STARD10: variants seen among roughly 807,000 people sequenced by gnomAD.
The protein encoded by STARD10 is StAR related lipid transfer domain containing 10, also known as START domain-containing protein 10.
In STARD10, 24 loss-of-function variants were observed where a neutral mutation model predicts 36.0. The observed-to-expected ratio is 0.67, with a 90% confidence interval of 0.48 to 0.94. The LOEUF (loss-of-function observed/expected upper bound fraction) is 0.94. Ranked by LOEUF, STARD10 falls within the 40% of genes least tolerant of loss-of-function variation. The pLI, the probability that STARD10 is intolerant of heterozygous loss-of-function variation, is 0.00. For missense variants in STARD10, 335 were observed against 396.6 expected (o/e 0.84, Z 1.32); for synonymous variants, 156 against 161.9 (o/e 0.96, Z 0.28).
At chr11:72,756,566 C>T (rs1028654628) in intron 5 of STARD10, among the ~76,000 whole-genome samples, 3 of 152,090 alleles carry the variant, frequency 2.0e-5, no homozygotes, top group South Asian at 2.1e-4. Flanking sequence ...GTGACACCCA[C>T]AGCACCCCTG....
At chr11:72,762,439 C>T (rs189548447) in intron 2 of STARD10, among the ~76,000 whole-genome samples, 17 of 152,188 alleles carry the variant, frequency 1.1e-4, no homozygotes, top group African/African-American at 3.6e-4. Context: ...CAAGGACAGA[C>T]TCGAGACTGC....
At position 72,783,463 on chromosome 11, in the gene STARD10, T is replaced by C. The variant is rs1859030304; in HGVS notation, c.-113-2169A>G. On this transcript the variant is annotated intron_variant, in intron 1 of 6. Coordinates refer to ENST00000334805, the MANE Select transcript of STARD10 (RefSeq NM_006645.3). ...TGGGCTCAGGATGCCCAGGCTCTGA[T>C]TCTCTGCTATCTACCTCCTCTGCCT... 1.3e-5 allele frequency: 2 copies of C among 152,286 alleles called. 1 individual carries two copies. 9.4% of individuals were successfully genotyped at this position (152,286 alleles called of 1,614,324 possible).
At chr11:72,788,167 C>T (rs1430436373) in intron 1 of STARD10, among the ~76,000 whole-genome samples, 2 of 152,132 alleles carry the variant, frequency 1.3e-5, no homozygotes, top group South Asian at 2.1e-4. Flanking sequence ...TACCCAGGGA[C>T]CATACGCTGG....
At chr11:72,759,765 T>A (rs545434171) in intron 2 of STARD10, among the ~76,000 whole-genome samples, 3 of 152,166 alleles carry the variant, frequency 2.0e-5, no homozygotes, top group Non-Finnish European at 2.9e-5. Flanking sequence ...AATAGCTACA[T>A]GTTAAATGAA....
rs1858664155 is a variant in STARD10 at position 72,757,854 on chromosome 11, C to T, written c.490G>A (p.Ala164Thr). The change falls in exon 5 of 7, where the codon GCT (alanine) becomes ACT (threonine). Residue 164 changes from alanine to threonine, a missense_variant. Ala to Thr is a moderately conservative substitution (Grantham distance 58, BLOSUM62 0). Coordinates refer to ENST00000334805, the MANE Select transcript of STARD10 (RefSeq NM_006645.3). ...KYPPRKDLVR[A>T]VSIQTGYLIQ... ...AGGTAGCCCGTCTGGATGGACACAG[C>T]TCGGACCAAGTCTTTCCGAGGTGGG... 1 of 1,614,196 alleles carries T rather than the reference C, an allele frequency of 6.2e-7. No homozygotes were observed. The highest frequency in any genetic ancestry group is 2.2e-5 in the East Asian group (1 of 44,884).
intron 5 of STARD10, among the ~76,000 whole-genome samples, chr11:72,757,341 T>C (rs1858658752): frequency 6.6e-6 from 1 of 152,094 alleles, no homozygotes; most frequent in Admixed American, 6.5e-5. Flanking sequence ...CGAAGGGAGA[T>C]GTCCAGGTGG....
rs1454469089 is a variant in STARD10, at chr11:72,755,103, C to T, written c.670G>A (p.Glu224Lys). ...TGAGGCAGGTGCTTCTGTTTCCACTCGGGGTACTTGAGGCACGCCTTGTAC... is the reference window on the plus strand; with the variant it reads ...TGAGGCAGGTGCTTCTGTTTCCACTTGGGGTACTTGAGGCACGCCTTGTAC... ...KMYKACLKYP[E>K]WKQKHLPHFK... Residue 224 changes from glutamate (E) to lysine (K), a missense_variant, in exon 7 of 7, where the codon GAG becomes AAG. Coordinates refer to ENST00000334805, the MANE Select transcript of STARD10 (RefSeq NM_006645.3). 5 of 1,613,340 alleles carry T rather than the reference C, an allele frequency of 3.1e-6. No individual in the cohort carries two copies. The highest frequency in any genetic ancestry group is 1.3e-5 in the African/African-American group (1 of 74,906).
intron 1 of STARD10, chr11:72,785,678 G>GC (rs1432941503): frequency 6.6e-6 from 1 of 151,624 alleles, no homozygotes; most frequent in East Asian, 2.0e-4. Flanking sequence ...CTTGCCTGCC[G>GC]GTGACCTTAA....
intron 2 of STARD10, chr11:72,780,371 G>A (rs1305602761): frequency 1.4e-5 from 6 of 435,552 alleles, no homozygotes; most frequent in Admixed American, 9.8e-5. Context: ...CCCACCTGTA[G>A]CCTGGCTCTG....
intron 1 of STARD10, chr11:72,783,457 C>T (rs1565244744): frequency 1.3e-5 from 2 of 152,232 alleles, no homozygotes; most frequent in African/African-American, 4.8e-5. Flanking sequence ...GATGCCCAGG[C>T]TCTGATTCTC....
intron 1 of STARD10, among the ~76,000 whole-genome samples, chr11:72,783,214 G>A (rs1859027726): frequency 6.6e-6 from 1 of 152,154 alleles, no homozygotes; most frequent in South Asian, 2.1e-4. Context: ...AAAAATGAGT[G>A]GGGGTGAGCG....
At chr11:72,789,957 C>T (rs3862791) in intron 1 of STARD10, among the ~76,000 whole-genome samples, 20,368 of 152,188 alleles carry the variant, frequency 0.13, 1,870 homozygotes, top group South Asian at 0.22. Flanking sequence ...CTCCTCTGAG[C>T]CTGCTTTGCT....
At chr11:72,773,488 G>A (rs1029654127) in intron 2 of STARD10, among the ~76,000 whole-genome samples, 6 of 152,226 alleles carry the variant, frequency 3.9e-5, no homozygotes, top group Non-Finnish European at 7.3e-5. Flanking sequence ...GTGAGGGGGT[G>A]TGACTCACAC....
At chr11:72,761,340 AT>A (rs1280485485) in intron 2 of STARD10, among the ~76,000 whole-genome samples, 2 of 152,208 alleles carry the variant, frequency 1.3e-5, no homozygotes, top group Non-Finnish European at 2.9e-5. Flanking sequence ...TTGCAAACTG[AT>A]TTGGACACAC....
intron 1 of STARD10, among the ~76,000 whole-genome samples, chr11:72,787,017 G>A (rs1408388076): frequency 4.7e-5 from 7 of 148,626 alleles, no homozygotes; most frequent in African/African-American, 7.5e-5. Flanking sequence ...CCAGGAGTTC[G>A]AGGCTGCAGT....
intron 2 of STARD10, among the ~76,000 whole-genome samples, chr11:72,763,479 CA>C (rs1858747135): frequency 6.6e-6 from 1 of 152,134 alleles, no homozygotes; most frequent in African/African-American, 2.4e-5. Context: ...CCTGGTAGGA[CA>C]CAGTGAGAGG....
In STARD10 at chr11:72,769,303, C is replaced by T. The variant is rs1035462161; in HGVS notation, c.208-9922G>A. 3.9e-5 allele frequency among the ~76,000 whole-genome samples: 6 copies of T among 152,034 alleles called. No individual in the cohort carries two copies. The East Asian group carries it at 1.2e-3, about 29-fold the overall frequency. ...GTACTCACTGCTTATGAGGTACTCA[C>T]TGCTTATGAAGGTATGGTAAAACTG... On this transcript the variant is annotated intron_variant, in intron 2 of 6. Transcript: ENST00000334805.
chr11:72,755,303 A>ATT, intron 6 of STARD10, 161 bp from the exon 7 acceptor site: 1 of 483,482 alleles, frequency 2.1e-6, no homozygotes, highest in Non-Finnish European at 3.2e-6. Context: ...TCCATTCTCC[A>ATT]TTCTTTTTTT....
Position 72,781,484 on chromosome 11 carries a change from C to T in STARD10, c.-113-190G>A, listed in dbSNP as rs1436837159. 1.3e-5 allele frequency among the ~76,000 whole-genome samples: 2 copies of T among 151,748 alleles called. No individual in the cohort carries two copies. Among genetic ancestry groups the T allele is most frequent in the East Asian group, 2.0e-4 (1 of 5,112 alleles). On this transcript the variant is annotated intron_variant, in intron 1 of 6. Transcript: ENST00000334805. This position sits in a 1 kb window ranked among gnomAD's most constrained non-coding sequence, Gnocchi z 4.7. ...CCCCCTGGGGCCGGCGTGGGGACTG[C>T]GTATGGGACGCGGTGGCCGGCGGGC...
Sources: gnomAD v4.1 joint callset for allele counts (sites outside exome capture counted in the v4.1 genomes callset) on GRCh38, gnomAD v4.1.1 for gene constraint, Gnocchi (gnomAD v3.1) non-coding constraint, MANE v1.5 for transcripts, NCBI Gene and HGNC (gene_info 2026-07-23, HGNC 2026-07-21) for gene names.